The following PGM5 variants were observed in gnomAD, a reference collection of about 807,000 sequenced individuals.
The protein encoded by PGM5 is phosphoglucomutase-like protein 5.
PGM5 carries 23 observed loss-of-function variants against 59.2 expected under a neutral mutation model. That is an observed-to-expected ratio of 0.39 (90% CI 0.28 to 0.55). PGM5 has a LOEUF of 0.55. Ranked by LOEUF, PGM5 falls within the 20% of genes least tolerant of loss-of-function variation. The pLI is 0.66. For synonymous variants in PGM5, 214 were observed against 286.0 expected (o/e 0.75, Z 2.54); for missense variants, 574 against 748.3 (o/e 0.77, Z 2.72).
At chr9:68,527,670 G>A (rs888870222) in intron 10 of PGM5, among the ~76,000 whole-genome samples, 23 of 145,704 alleles carry the variant, frequency 1.6e-4, no homozygotes, top group Admixed American at 1.1e-3. Context: ...TGATCAACAC[G>A]GAACCGGAGG....
intron 10 of PGM5, among the ~76,000 whole-genome samples, chr9:68,514,519 T>C (rs879964855): frequency 4.6e-5 from 7 of 152,076 alleles, no homozygotes; most frequent in Non-Finnish European, 4.4e-5. Flanking sequence ...GGAGAATCGC[T>C]TGAACCTGGG....
chr9:68,462,872 C>T (rs782230058), intron 6 of PGM5, among the ~76,000 whole-genome samples: 3 of 152,022 alleles, frequency 2.0e-5, no homozygotes, highest in Non-Finnish European at 2.9e-5. Context: ...TTATTCTGAC[C>T]TTCCATAGCC....
chr9:68,396,325 T>A (rs1372632757), intron 6 of PGM5: 25 of 152,222 alleles, frequency 1.6e-4, no homozygotes, highest in African/African-American at 6.0e-4. Flanking sequence ...TACTACTGTA[T>A]CTGCCCAATA....
At chr9:68,511,786 T>C (rs2132113539) in intron 10 of PGM5, among the ~76,000 whole-genome samples, 1 of 152,258 alleles carries the variant, frequency 6.6e-6, no homozygotes, top group African/African-American at 2.4e-5. Context: ...TTGACTCATT[T>C]TCTTATCACA....
chr9:68,524,007 A>T (rs566117647), intron 10 of PGM5, among the ~76,000 whole-genome samples: 4 of 151,638 alleles, frequency 2.6e-5, no homozygotes, highest in Admixed American at 1.3e-4. Context: ...TTTTTAATGG[A>T]TCTAATTTAC....
chr9:68,468,060 C>T (rs781885579), intron 7 of PGM5, among the ~76,000 whole-genome samples: 2 of 147,620 alleles, frequency 1.4e-5, no homozygotes, highest in African/African-American at 2.6e-5. Flanking sequence ...CTCAGGTGCA[C>T]ATGTGAATGT....
intron 6 of PGM5, among the ~76,000 whole-genome samples, chr9:68,451,234 T>C (rs1823690673): frequency 1.3e-5 from 2 of 152,164 alleles, no homozygotes; most frequent in East Asian, 3.8e-4. Flanking sequence ...AATGAAGACA[T>C]CCGCAATGCC....
intron 9 of PGM5, among the ~76,000 whole-genome samples, chr9:68,491,894 C>T (rs999362745): frequency 1.4e-4 from 22 of 152,214 alleles, no homozygotes; most frequent in East Asian, 7.7e-4. Context: ...TCTGGTTAGT[C>T]GGGAAGTTCT....
intron 6 of PGM5, among the ~76,000 whole-genome samples, chr9:68,462,775 T>C (rs1554685495): frequency 6.6e-6 from 1 of 152,156 alleles, no homozygotes. Context: ...TGAATTAACT[T>C]TGACCCAGGC....
chr9:68,464,228 A>G (rs1412487462), intron 6 of PGM5, among the ~76,000 whole-genome samples: 1 of 152,236 alleles, frequency 6.6e-6, no homozygotes, highest in Non-Finnish European at 1.5e-5. Context: ...TAGGTTCCCC[A>G]GGAAGCAGCT....
At chr9:68,386,664 C>A (rs1228048560) in intron 3 of PGM5, among the ~76,000 whole-genome samples, 6 of 151,944 alleles carry the variant, frequency 3.9e-5, no homozygotes, top group Non-Finnish European at 8.8e-5. Flanking sequence ...TTTAAAAAAG[C>A]AGGGCTCCTG....
chr9:68,488,108 G>A (rs989438264), intron 9 of PGM5, among the ~76,000 whole-genome samples: 1 of 152,172 alleles, frequency 6.6e-6, no homozygotes, highest in Admixed American at 6.5e-5. Flanking sequence ...AAAGACTGTA[G>A]CATTGAATGA....
chr9:68,529,164 C>CATGTGTGTGTGT (rs1488725319), intron 10 of PGM5, among the ~76,000 whole-genome samples: 1 of 131,862 alleles, frequency 7.6e-6, no homozygotes, highest in African/African-American at 2.9e-5. Context: ...CTTTTATTCT[C>CATGTGTGTGTGT]GTGTGTGTGT....
intron 6 of PGM5, among the ~76,000 whole-genome samples, chr9:68,411,760 C>A (rs1184705914): frequency 1.3e-5 from 2 of 152,030 alleles, no homozygotes; most frequent in African/African-American, 4.8e-5. Context: ...TGGAATGCCA[C>A]AATAGAGGCA....
chr9:68,404,404 G>A (rs1330745841), intron 6 of PGM5, among the ~76,000 whole-genome samples: 3 of 152,178 alleles, frequency 2.0e-5, no homozygotes, highest in African/African-American at 7.2e-5. Flanking sequence ...GCTGGGATTA[G>A]AGGTGTGAGC....
chr9:68,358,527 G>A (rs1468580722), intron 1 of PGM5, among the ~76,000 whole-genome samples: 2 of 152,182 alleles, frequency 1.3e-5, no homozygotes, highest in Non-Finnish European at 2.9e-5. Context: ...CACACTCATA[G>A]AACTTTTCTT....
chr9:68,398,402 G>A (rs1397878103), intron 6 of PGM5: 6 of 152,054 alleles, frequency 3.9e-5, no homozygotes, highest in African/African-American at 1.4e-4. Context: ...AACGGATGAG[G>A]TTAAGGAAAC....
intron 6 of PGM5, among the ~76,000 whole-genome samples, chr9:68,454,425 A>C (rs1354697933): frequency 1.3e-5 from 2 of 152,186 alleles, no homozygotes; most frequent in Admixed American, 6.5e-5. Flanking sequence ...TCCCTACCTA[A>C]GTGAACGATG....
intron 6 of PGM5, among the ~76,000 whole-genome samples, chr9:68,443,254 G>A (rs930765359): frequency 1.9e-4 from 29 of 152,196 alleles, no homozygotes; most frequent in Admixed American, 2.0e-4. Flanking sequence ...TGAATGAAAG[G>A]AGCCCAACTC....
Sources: allele counts gnomAD v4.1 joint callset (sites outside exome capture counted in the v4.1 genomes callset), GRCh38; gene constraint gnomAD v4.1.1; transcripts MANE v1.5; gene names NCBI Gene and HGNC (gene_info 2026-07-23, HGNC 2026-07-21).